Variants in MIS18A observed in about 807,000 individuals in gnomAD.
MIS18A encodes the protein protein Mis18-alpha.
MIS18A carries 14 observed loss-of-function variants against 25.0 expected under a neutral mutation model. That is an observed-to-expected ratio of 0.56 (90% CI 0.37 to 0.88). MIS18A has a LOEUF of 0.88. Among genes scored for constraint, MIS18A ranks in the 40% least tolerant of loss-of-function variants. The pLI is 0.00. For missense variants in MIS18A, 292 were observed against 290.8 expected (o/e 1.00, Z -0.03); for synonymous variants, 134 against 118.6 (o/e 1.13, Z -0.84).
the MIS18A span, among the ~76,000 whole-genome samples, chr21:32,209,421 A>T: frequency 6.6e-6 from 1 of 152,202 alleles, no homozygotes; most frequent in Non-Finnish European, 1.5e-5. Flanking sequence ...AAGATTCTAG[A>T]GTTAGCAAAG....
chr21:32,271,521 G>A (rs2031714215), intron 2 of MIS18A, among the ~76,000 whole-genome samples: 1 of 152,192 alleles, frequency 6.6e-6, no homozygotes, highest in African/African-American at 2.4e-5. Context: ...ATCACCATCT[G>A]ATTAAGTCAT....
At chr21:32,273,454 T>A (rs1228895904) in intron 2 of MIS18A, among the ~76,000 whole-genome samples, 1 of 152,036 alleles carries the variant, frequency 6.6e-6, no homozygotes, top group Non-Finnish European at 1.5e-5. Context: ...AGTCACCTCA[T>A]TAGGATTAAA....
At chr21:32,223,700 A>T in the MIS18A span, among the ~76,000 whole-genome samples, 1 of 152,222 alleles carries the variant, frequency 6.6e-6, no homozygotes. Flanking sequence ...TACCTGAGGT[A>T]AAAGAGGAGC....
downstream of MIS18A, among the ~76,000 whole-genome samples, chr21:32,265,196 C>A (rs576843413): frequency 3.7e-4 from 56 of 152,288 alleles, 2 homozygotes; most frequent in African/African-American, 1.2e-3. Context: ...CGCTTGCTCT[C>A]GGCACCTCCC....
chr21:32,165,935 A>C, the MIS18A span, among the ~76,000 whole-genome samples: 1 of 152,156 alleles, frequency 6.6e-6, no homozygotes, highest in Non-Finnish European at 1.5e-5. Context: ...AATAACTTAC[A>C]ATCTAGTGAA....
At chr21:32,212,297 C>T in the MIS18A span, among the ~76,000 whole-genome samples, 1 of 152,152 alleles carries the variant, frequency 6.6e-6, no homozygotes, top group Admixed American at 6.5e-5. Flanking sequence ...GTCCTGAAAA[C>T]GCAGTCATGC....
the MIS18A span, among the ~76,000 whole-genome samples, chr21:32,217,037 T>C: frequency 6.6e-6 from 1 of 152,140 alleles, no homozygotes; most frequent in Non-Finnish European, 1.5e-5. Flanking sequence ...TGTCATATTA[T>C]ATTATGTAAA....
At chr21:32,191,072 T>C in the MIS18A span, among the ~76,000 whole-genome samples, 23,053 of 152,266 alleles carry the variant, frequency 0.15, 1,858 homozygotes, top group East Asian at 0.24. Context: ...AGGCTATCTG[T>C]TCTTGGAGAG....
At chr21:32,195,713 G>T in the MIS18A span, among the ~76,000 whole-genome samples, 3 of 152,088 alleles carry the variant, frequency 2.0e-5, no homozygotes, top group African/African-American at 7.2e-5. Flanking sequence ...TGGGAAGCAG[G>T]TGCCTCAAAA....
the MIS18A span, among the ~76,000 whole-genome samples, chr21:32,227,379 A>T: frequency 1.3e-5 from 2 of 152,020 alleles, no homozygotes; most frequent in Non-Finnish European, 1.5e-5. Context: ...AGGGAATGTT[A>T]CTACTGACCT....
At chr21:32,262,489 G>A in the MIS18A span, among the ~76,000 whole-genome samples, 1 of 152,216 alleles carries the variant, frequency 6.6e-6, no homozygotes, top group Non-Finnish European at 1.5e-5. Context: ...GGTAAGGGTG[G>A]ACAACGGTTA....
At chr21:32,190,358 G>A in the MIS18A span, among the ~76,000 whole-genome samples, 1 of 152,140 alleles carries the variant, frequency 6.6e-6, no homozygotes, top group Non-Finnish European at 1.5e-5. Context: ...GAAGATGCTC[G>A]ATGATTAGAT....
chr21:32,237,779 A>G, the MIS18A span, among the ~76,000 whole-genome samples: 146 of 152,250 alleles, frequency 9.6e-4, 1 homozygote, highest in African/African-American at 3.4e-3. Context: ...TAATTATTTT[A>G]TTGTTAACAT....
At chr21:32,160,910 C>T in the MIS18A span, among the ~76,000 whole-genome samples, 2 of 152,140 alleles carry the variant, frequency 1.3e-5, no homozygotes, top group Non-Finnish European at 2.9e-5. Context: ...GGATTACAGG[C>T]GTGAGCCCCT....
the MIS18A span, among the ~76,000 whole-genome samples, chr21:32,157,238 TTTG>T: frequency 1.5e-4 from 8 of 51,988 alleles, no homozygotes; most frequent in Admixed American, 9.7e-4. Context: ...TTTTTTTTTT[TTTG>T]GTAGTTTTAG....
chr21:32,264,743 G>A (rs1018200508), downstream of MIS18A, among the ~76,000 whole-genome samples: 2 of 152,162 alleles, frequency 1.3e-5, no homozygotes, highest in Admixed American at 6.5e-5. Context: ...TGAAAACCTA[G>A]ATCTGATTCT....
At chr21:32,160,490 C>T in the MIS18A span, among the ~76,000 whole-genome samples, 19 of 152,152 alleles carry the variant, frequency 1.2e-4, no homozygotes, top group African/African-American at 3.4e-4. Flanking sequence ...CATGTGTCCA[C>T]GGTGGTCAGA....
the MIS18A span, among the ~76,000 whole-genome samples, chr21:32,207,138 G>T: frequency 6.6e-6 from 1 of 152,176 alleles, no homozygotes; most frequent in Non-Finnish European, 1.5e-5. Context: ...GGGAACTCAG[G>T]AAATTACCAG....
chr21:32,249,123 G>A, the MIS18A span, among the ~76,000 whole-genome samples: 1 of 152,230 alleles, frequency 6.6e-6, no homozygotes, highest in African/African-American at 2.4e-5. Context: ...GGCAGAGAAA[G>A]ATGGTTGATC....
Sources: gnomAD v4.1 joint callset for allele counts (sites outside exome capture counted in the v4.1 genomes callset) on GRCh38, gnomAD v4.1.1 for gene constraint, MANE v1.5 for transcripts, NCBI Gene and HGNC (gene_info 2026-07-23, HGNC 2026-07-21) for gene names.